Variants in MDGA2 observed in about 807,000 individuals in gnomAD.
MDGA2 encodes MAM domain containing glycosylphosphatidylinositol anchor 2.
A neutral mutation model predicts 117.8 loss-of-function variants in MDGA2; 40 were observed. The ratio of observed to expected loss-of-function variants is 0.34; its 90% CI spans 0.26 to 0.44. The LOEUF (loss-of-function observed/expected upper bound fraction) is 0.44, where lower values mean the gene tolerates loss of function less well. Ranked by LOEUF, MDGA2 falls within the 20% of genes least tolerant of loss-of-function variation. MDGA2 has a pLI of 1.00. For missense variants in MDGA2, 1,123 were observed against 1,250.6 expected (o/e 0.90, Z 1.54); for synonymous variants, 452 against 439.0 (o/e 1.03, Z -0.37).
chr14:47,275,924 A>G (rs1888298152), intron 2 of MDGA2, among the ~76,000 whole-genome samples: 1 of 152,116 alleles, frequency 6.6e-6, no homozygotes, highest in South Asian at 2.1e-4. Flanking sequence ...CCTCTGAAAC[A>G]TCACTTGCCA....
At chr14:46,873,723 T>C (rs369108118) in intron 13 of MDGA2, 132 bp from the exon 14 acceptor site, 1 of 801,430 alleles carries the variant, frequency 1.2e-6, no homozygotes. Flanking sequence ...ATTTATAAAA[T>C]CTCTATGTGT....
In MDGA2 at chr14:47,184,529, C is replaced by T. The variant is rs554484810; in HGVS notation, c.595+33492G>A. On this transcript the variant is annotated intron_variant, in intron 3 of 16. Transcript: ENST00000399232. ...CTTTCTTTCTCTTCCCAAGTTCTTACGCTATTTCATCACCTATAAGACTAG... is the reference window on the plus strand; with the variant it reads ...CTTTCTTTCTCTTCCCAAGTTCTTATGCTATTTCATCACCTATAAGACTAG... Among the ~76,000 whole-genome samples, 15 of 151,914 alleles carry T rather than the reference C, an allele frequency of 9.9e-5. No individual in the cohort carries two copies. In the South Asian group the frequency reaches 2.5e-3, roughly 25 times the overall value.
At chr14:47,512,380 T>C (rs1437491861) in intron 1 of MDGA2, among the ~76,000 whole-genome samples, 1 of 152,190 alleles carries the variant, frequency 6.6e-6, no homozygotes, top group Admixed American at 6.5e-5. Context: ...GATAATTTCC[T>C]CATTATAAAC....
chr14:47,644,057 C>A (rs7158824), intron 1 of MDGA2, among the ~76,000 whole-genome samples: 151,462 of 152,262 alleles, frequency 0.99, 75,341 homozygotes, highest in East Asian at 1. Flanking sequence ...ATCTATACGC[C>A]TACTGTAAGA....
intron 3 of MDGA2, among the ~76,000 whole-genome samples, chr14:47,146,517 C>G: frequency 6.6e-6 from 1 of 152,212 alleles, no homozygotes; most frequent in Admixed American, 6.5e-5. Context: ...TAAAACCTAT[C>G]AAATATTCAT....
At chr14:47,523,510 CA>C (rs1356864212) in intron 1 of MDGA2, among the ~76,000 whole-genome samples, 8 of 152,062 alleles carry the variant, frequency 5.3e-5, no homozygotes, top group African/African-American at 1.9e-4. Flanking sequence ...GACTGGAATT[CA>C]GAATACTTAG....
At chr14:47,565,239 G>T (rs911607118) in intron 1 of MDGA2, among the ~76,000 whole-genome samples, 1 of 152,072 alleles carries the variant, frequency 6.6e-6, no homozygotes, top group Non-Finnish European at 1.5e-5. Context: ...TCATTGTGTG[G>T]GCTGATGTTC....
At chr14:47,458,883 G>C (rs1230082198) in intron 1 of MDGA2, among the ~76,000 whole-genome samples, 1 of 150,684 alleles carries the variant, frequency 6.6e-6, no homozygotes, top group Non-Finnish European at 1.5e-5. Flanking sequence ...TTCATGGCAG[G>C]GTTGAGATGC....
chr14:47,259,367 T>C (rs1364758505), intron 2 of MDGA2, among the ~76,000 whole-genome samples: 2 of 152,108 alleles, frequency 1.3e-5, no homozygotes, highest in Non-Finnish European at 2.9e-5. Context: ...GCTTGTACTT[T>C]AAAACAAGCA....
intron 1 of MDGA2, among the ~76,000 whole-genome samples, chr14:47,398,746 C>T (rs1257592114): frequency 6.6e-6 from 1 of 152,136 alleles, no homozygotes; most frequent in Non-Finnish European, 1.5e-5. Context: ...TAATATGTAG[C>T]ACAAACTTCA....
rs1160610072 is a variant in MDGA2, at chr14:47,173,332, C to G, written c.596-29058G>C. 8.5e-5 allele frequency among the ~76,000 whole-genome samples: 13 copies of G among 152,138 alleles called. No homozygotes were observed. In the South Asian group the frequency reaches 2.3e-3, roughly 27 times the overall value. ...AGATACTCCTCAAGAAGAGCAACTC[C>G]AAGACACATAATTGTCAGATTCACC... On this transcript the variant is annotated intron_variant, in intron 3 of 16. Coordinates refer to ENST00000399232, the MANE Select transcript of MDGA2 (RefSeq NM_001113498.3).
intron 4 of MDGA2, among the ~76,000 whole-genome samples, chr14:47,137,668 CT>C (rs1371054876): frequency 1.3e-5 from 2 of 152,138 alleles, no homozygotes; most frequent in Non-Finnish European, 2.9e-5. Context: ...AAATAAATCT[CT>C]TTTCTTTATA....
Position 47,428,821 on chromosome 14 carries a change from A to AAC in MDGA2, c.281-127273_281-127272dup, listed in dbSNP as rs1219806446. ...TGTAAAATACATACATATATATATA[A>AAC]ACACACACACACATACAAAATTCTT... On this transcript the variant is annotated intron_variant, in intron 1 of 16. Transcript: ENST00000399232. Among the ~76,000 whole-genome samples the AAC allele has an allele frequency of 6.6e-5, 10 of 151,964 alleles. No individual in the cohort carries two copies. In the South Asian group the frequency reaches 1.2e-3, roughly 19 times the overall value.
In MDGA2 at chr14:46,855,113, T is replaced by C. The variant is rs373765250; in HGVS notation, c.2794A>G (p.Ile932Val). The change falls in exon 15 of 17, where the codon ATA (isoleucine) becomes GTA (valine). Residue 932 changes from isoleucine to valine, a missense_variant. Ile to Val is a conservative substitution (Grantham distance 29). Around this residue, in one of 2 missense-constraint regions of MDGA2, gnomAD observed 890 missense variants for 1,050.3 expected, o/e 0.85. Coordinates refer to ENST00000399232, the MANE Select transcript of MDGA2 (RefSeq NM_001113498.3). The surrounding 1 kb of genome is among the most constrained non-coding windows in gnomAD (Gnocchi z 4.1). ...VYLRLKGQTT[I>V]ENPLWSSSGN... Reference sequence around the variant, plus strand: ...CTTGAAGACCACAGTGGATTCTCTATTGTTGTTTGCCCTTTCAAACGTAGA... The same window carrying C: ...CTTGAAGACCACAGTGGATTCTCTACTGTTGTTTGCCCTTTCAAACGTAGA... The C allele has an allele frequency of 4.4e-5, 71 of 1,610,992 alleles. No individual in the cohort carries two copies. The highest frequency in any genetic ancestry group is 5.4e-5 in the Non-Finnish European group (64 of 1,178,286).
At chr14:47,534,478 T>C (rs1375409584) in intron 1 of MDGA2, among the ~76,000 whole-genome samples, 1 of 152,162 alleles carries the variant, frequency 6.6e-6, no homozygotes, top group Non-Finnish European at 1.5e-5. Context: ...CTTAAAATCC[T>C]GGTGGAAGGG....
At chr14:47,226,251 AAATAAATAAATG>A (rs1180139678) in intron 2 of MDGA2, among the ~76,000 whole-genome samples, 1 of 151,404 alleles carries the variant, frequency 6.6e-6, no homozygotes, top group African/African-American at 2.4e-5. Flanking sequence ...ATAAATAAAT[AAATAAATAAATG>A]GGAGGAGTCT....
chr14:47,518,624 T>G (rs1894804415), intron 1 of MDGA2, among the ~76,000 whole-genome samples: 1 of 152,206 alleles, frequency 6.6e-6, no homozygotes, highest in African/African-American at 2.4e-5. Flanking sequence ...TCTTATCTAA[T>G]ATTCTATAAC....
At chr14:46,926,713 G>A (rs1459272964) in intron 9 of MDGA2, among the ~76,000 whole-genome samples, 1 of 152,048 alleles carries the variant, frequency 6.6e-6, no homozygotes, top group Non-Finnish European at 1.5e-5. Flanking sequence ...AAAAAATGTT[G>A]CTACAGAAAC....
intron 10 of MDGA2, among the ~76,000 whole-genome samples, chr14:46,911,511 G>A (rs1387532677): frequency 6.6e-6 from 1 of 152,076 alleles, no homozygotes; most frequent in Admixed American, 6.6e-5. Flanking sequence ...GTAAAGATGT[G>A]GATGACTCCA....
Sources: gnomAD v4.1 joint callset for allele counts (sites outside exome capture counted in the v4.1 genomes callset) on GRCh38, gnomAD v4.1.1 for gene constraint, gnomAD v4.1.1 regional missense constraint, Gnocchi (gnomAD v3.1) non-coding constraint, MANE v1.5 for transcripts, NCBI Gene and HGNC (gene_info 2026-07-23, HGNC 2026-07-21) for gene names.